Variants in SETX observed in about 807,000 individuals in gnomAD.
SETX encodes senataxin.
A neutral mutation model predicts 227.2 loss-of-function variants in SETX; 90 were observed. The ratio of observed to expected loss-of-function variants is 0.40; its 90% confidence interval spans 0.33 to 0.47. The LOEUF (loss-of-function observed/expected upper bound fraction) is 0.47. SETX is among the 20% of genes least tolerant of loss of function. The pLI is 0.91. For synonymous variants in SETX, 1,210 were observed against 1,113.2 expected, an observed-to-expected ratio of 1.09 and a Z score of -1.73; for missense variants, 3,052 against 3,181.5, an observed-to-expected ratio of 0.96 and a Z score of 0.98.
At chr9:132,303,470 C>T (rs535014891) in intron 11 of SETX, among the ~76,000 whole-genome samples, 1 of 149,816 alleles carries the variant, frequency 6.7e-6, no homozygotes, top group East Asian at 1.9e-4. Flanking sequence ...AAACTGTGAC[C>T]GTGGGTTAGG....
chr9:132,285,359 G>A (rs1843791056), intron 18 of SETX, among the ~76,000 whole-genome samples: 1 of 152,114 alleles, frequency 6.6e-6, no homozygotes, highest in Admixed American at 6.6e-5. Flanking sequence ...TTCATTCTTA[G>A]GTTAAAGAAA....
chr9:132,275,137 G>C, intron 23 of SETX, 119 bp downstream of exon 23: 1 of 1,071,192 alleles, frequency 9.3e-7, no homozygotes, highest in South Asian at 1.3e-5. Flanking sequence ...CAGCTTCCTC[G>C]TGCCGTATCA....
At chr9:132,275,099 C>A in intron 23 of SETX, 157 bp downstream of exon 23, 1 of 749,050 alleles carries the variant, frequency 1.3e-6, no homozygotes, top group South Asian at 1.6e-5. Context: ...AGCCACACAG[C>A]ACAAGTCTAT....
intron 18 of SETX, among the ~76,000 whole-genome samples, chr9:132,285,247 G>A (rs1455598305): frequency 6.6e-6 from 1 of 152,046 alleles, no homozygotes; most frequent in Non-Finnish European, 1.5e-5. Flanking sequence ...ATGGGAAGCA[G>A]AAATAGAGCA....
intron 23 of SETX, chr9:132,274,987 C>T (rs2131165476): frequency 2.2e-6 from 1 of 456,378 alleles, no homozygotes; most frequent in South Asian, 3.2e-5. Context: ...ATGAACAAGT[C>T]ATGGAACTAA....
Position 132,330,019 on chromosome 9 carries a change from G to A in SETX, c.1579C>T (p.Pro527Ser), listed in dbSNP as rs774240718. Residue 527 changes from proline (P) to serine (S), a missense_variant, in exon 10 of 26, where the codon CCA becomes TCA. Pro to Ser is a moderately conservative substitution (Grantham distance 74). This residue lies in a region of SETX where 179 missense variants were observed against 197.1 expected (regional missense o/e 0.91). Coordinates refer to ENST00000224140, the MANE Select transcript of SETX (RefSeq NM_015046.7). ...MISSLSLHSM[P>S]SNSVQLAYVQ... ...TAAGCAAGTTGTACAGAGTTAGATG[G>A]CATGGAATGCAATGACAGTGAAGAT... is the stretch of plus-strand genomic sequence containing the variant. The A allele has an allele frequency of 1.9e-6, 3 of 1,614,170 alleles. No homozygotes were observed. The Admixed American group carries it at 5.0e-5, about 27-fold the overall frequency.
intron 11 of SETX, among the ~76,000 whole-genome samples, chr9:132,306,931 T>G (rs942363842): frequency 1.3e-5 from 2 of 152,238 alleles, no homozygotes; most frequent in Non-Finnish European, 2.9e-5. Flanking sequence ...TATCTTCTGT[T>G]GAACCAAAAT....
rs751252138 is a variant in SETX at position 132,288,312 on chromosome 9, C to A, written c.6248G>T (p.Arg2083Ile). The A allele has an allele frequency of 3.7e-6, 6 of 1,614,032 alleles. No individual in the cohort carries two copies. The highest frequency in any genetic ancestry group is 3.3e-4 in the Middle Eastern group (2 of 6,082). Reference protein sequence around the residue: ...LPSHVQAMHKRKEFLDYQLDE... With the variant: ...LPSHVQAMHKIKEFLDYQLDE... ...CAGCTGATAATCTAGAAATTCCTTTCTTTTATGCATCGCCTGAACATGAGA... is the reference window on the plus strand; with the variant it reads ...CAGCTGATAATCTAGAAATTCCTTTATTTTATGCATCGCCTGAACATGAGA... The change falls in exon 17 of 26, where the codon AGA becomes ATA. Residue 2083 changes from arginine to isoleucine, a missense_variant. By Grantham distance (97) the Arg-to-Ile change is moderately conservative. This residue lies in a region of SETX where 412 missense variants were observed against 589.0 expected (regional missense o/e 0.70). Coordinates refer to ENST00000224140, the MANE Select transcript of SETX (RefSeq NM_015046.7).
chr9:132,264,099 G>T lies in SETX; in HGVS notation c.*140C>A. The T allele has an allele frequency of 1.7e-6, 2 of 1,173,858 alleles. No homozygotes were observed. The highest frequency in any genetic ancestry group is 2.5e-6 in the Non-Finnish European group (2 of 804,522). The allele number at this position is 1,173,858 out of a possible 1,614,324, so 72.7% of individuals were successfully genotyped here. On this transcript the variant is annotated 3_prime_UTR_variant, in exon 26 of 26. Coordinates refer to ENST00000224140, the MANE Select transcript of SETX (RefSeq NM_015046.7). The stretch of plus-strand genomic sequence containing the variant: ...AATACTGAAGATGACCAGAGGCTCA[G>T]GTGTTAAGGATGCATTTTCCATGTT...
intron 6 of SETX, among the ~76,000 whole-genome samples, chr9:132,335,791 TACAGA>T (rs974298985): frequency 3.9e-5 from 6 of 152,238 alleles, no homozygotes; most frequent in Non-Finnish European, 8.8e-5. Flanking sequence ...TACTGCTTAC[TACAGA>T]AAAGTTTCTA....
rs780157100 is a variant in SETX, at chr9:132,300,668, T to C, written c.5510A>G (p.His1837Arg). The change falls in exon 12 of 26, where the codon CAT (histidine) becomes CGT (arginine). Residue 1837 changes from histidine to arginine, a missense_variant. Physicochemically the swap from His to Arg is conservative, Grantham distance 29. This residue lies in a region of SETX where 239 missense variants were observed against 272.1 expected (regional missense o/e 0.88). Coordinates refer to ENST00000224140, the MANE Select transcript of SETX (RefSeq NM_015046.7). ...GCGAAATTTATGAACATAACCAGAA[T>C]GATATTCGTGGAGATCTTGTATGTC... Reference protein sequence around the residue: ...RNDIQDLHEYHSGYVHKFRRT... With the variant: ...RNDIQDLHEYRSGYVHKFRRT... The C allele has an allele frequency of 1.9e-6, 3 of 1,613,736 alleles. No homozygotes were observed. Among genetic ancestry groups the C allele is most frequent in the South Asian group, 2.2e-5 (2 of 91,078 alleles).
intron 10 of SETX, among the ~76,000 whole-genome samples, chr9:132,316,350 A>C (rs1845967233): frequency 6.6e-6 from 1 of 152,184 alleles, no homozygotes; most frequent in Admixed American, 6.5e-5. Flanking sequence ...TTTAGCTACT[A>C]ATCTCTTGCC....
chr9:132,265,724 C>T (rs1342155207), intron 25 of SETX, among the ~76,000 whole-genome samples: 2 of 152,208 alleles, frequency 1.3e-5, no homozygotes, highest in Non-Finnish European at 2.9e-5. Context: ...CAAAACATTT[C>T]CGTTATCACA....
At chr9:132,288,152 G>A in intron 17 of SETX, 84 bp downstream of exon 17, 1 of 1,090,620 alleles carries the variant, frequency 9.2e-7, no homozygotes, top group South Asian at 1.3e-5. Context: ...CTCCAGCCTG[G>A]AAGACAGAGC....
chr9:132,320,785 G>C (rs1216192572), intron 10 of SETX, among the ~76,000 whole-genome samples: 1 of 152,010 alleles, frequency 6.6e-6, no homozygotes. Flanking sequence ...ACACCAAAGA[G>C]ATTTTAAAAA....
chr9:132,330,478 T>C lies in SETX; in HGVS notation c.1120A>G (p.Ile374Val). 6.2e-7 allele frequency: 1 copy of C among 1,613,276 alleles called. No individual in the cohort carries two copies. Among genetic ancestry groups the C allele is most frequent in the African/African-American group, 1.3e-5 (1 of 75,054 alleles). The part of the protein sequence containing the change: ...TKKDSGWRTA[I>V]CPDYCPNMYE... ...ATGTTAGGACAATAATCTGGGCAAA[T>C]GGCTGTTCTCCATCCAGAATCCTAA... Residue 374 changes from isoleucine to valine, a missense_variant, in exon 10 of 26, where the codon ATT (isoleucine) becomes GTT (valine). Physicochemically the swap from Ile to Val is conservative, Grantham distance 29. This residue lies in a region of SETX where 39 missense variants were observed against 84.8 expected (regional missense o/e 0.46). Transcript: ENST00000224140.
rs139766968 is a variant in SETX, at chr9:132,276,247, C to T, written c.6935+813G>A. Reference sequence around the variant, plus strand: ...TCCCTGAAATCCTCATGATGCTCTGCGGCTTAACTCGCAATCCTCTGCTCT... The same window carrying T: ...TCCCTGAAATCCTCATGATGCTCTGTGGCTTAACTCGCAATCCTCTGCTCT... On this transcript the variant is annotated intron_variant, in intron 22 of 25. Transcript: ENST00000224140. Among the ~76,000 whole-genome samples, 381 of 152,312 alleles carry T rather than the reference C, an allele frequency of 2.5e-3. 2 individuals carry two copies. The highest frequency in any genetic ancestry group is 0.01 in the Middle Eastern group (3 of 294).
At position 132,327,452 on chromosome 9, in the gene SETX, C is replaced by A; in HGVS notation, c.4146G>T (p.Gln1382His). 13 of 1,614,168 alleles carry A rather than the reference C, an allele frequency of 8.1e-6. No individual in the cohort carries two copies. Among genetic ancestry groups the A allele is most frequent in the Non-Finnish European group, 1.1e-5 (13 of 1,180,032 alleles). The change falls in exon 10 of 26, where the codon CAG becomes CAT. Residue 1382 changes from glutamine (Q) to histidine (H), a missense_variant. This residue lies in a region of SETX where 1,483 missense variants were observed against 1,312.0 expected (regional missense o/e 1.13). Coordinates refer to ENST00000224140, the MANE Select transcript of SETX (RefSeq NM_015046.7). ...DVKRAGSHTA[Q>H]NSDIFVPESD... ...ATTCTGGTACAAATATGTCAGAATT[C>A]TGTGCTGTATGTGACCCTGCTCTTT... is the stretch of plus-strand genomic sequence containing the variant.
At chr9:132,293,979 G>A (rs1028452445) in intron 15 of SETX, among the ~76,000 whole-genome samples, 2 of 151,880 alleles carry the variant, frequency 1.3e-5, no homozygotes, top group Non-Finnish European at 2.9e-5. Context: ...AGCCGAGATC[G>A]CGCCACTGCA....
Sources: allele counts gnomAD v4.1 joint callset (sites outside exome capture counted in the v4.1 genomes callset), GRCh38; gene constraint gnomAD v4.1.1; regional missense constraint gnomAD v4.1.1; transcripts MANE v1.5; gene names NCBI Gene and HGNC (gene_info 2026-07-23, HGNC 2026-07-21).